The following RIT2 variants were observed in gnomAD, a reference collection of about 807,000 sequenced individuals.
The protein encoded by RIT2 is Ras like without CAAX 2.
In RIT2, 24 loss-of-function variants were observed where a neutral mutation model predicts 23.7. The ratio of observed to expected loss-of-function variants is 1.01; its 90% confidence interval spans 0.73 to 1.43. The LOEUF (loss-of-function observed/expected upper bound fraction) is 1.43. RIT2 is among the 40% of genes most tolerant of loss of function. RIT2 has a pLI of 0.00. For synonymous variants in RIT2, 107 were observed against 91.1 expected (o/e 1.17, Z -0.99); for missense variants, 236 against 266.9 (o/e 0.88, Z 0.81).
At chr18:42,763,487 T>C (rs1428218985) in intron 4 of RIT2, among the ~76,000 whole-genome samples, 3 of 149,932 alleles carry the variant, frequency 2.0e-5, no homozygotes, top group African/African-American at 4.9e-5. Flanking sequence ...GGTACACCTG[T>C]ATGGGACACT....
intron 4 of RIT2, among the ~76,000 whole-genome samples, chr18:42,912,140 A>C (rs1255758573): frequency 6.6e-6 from 1 of 151,794 alleles, no homozygotes; most frequent in Non-Finnish European, 1.5e-5. Flanking sequence ...AATATTCAAA[A>C]TGTATTAATG....
rs560999420 is a variant in RIT2, at chr18:42,903,615, C to A, written c.426+19957G>T. On this transcript the variant is annotated intron_variant, in intron 4 of 4. Coordinates refer to ENST00000326695, the MANE Select transcript of RIT2 (RefSeq NM_002930.4). ...TTGCCGCTAGAATAGAAAATCTTCA[C>A]TTCAATCCATGACTGCTACCACTAC... is the stretch of plus-strand genomic sequence containing the variant. 2.2e-3 allele frequency among the ~76,000 whole-genome samples: 335 copies of A among 152,064 alleles called. 3 individuals are homozygous for A. The highest frequency in any genetic ancestry group is 3.1e-3 in the Non-Finnish European group (210 of 67,958).
At chr18:42,890,396 CTA>C (rs1340321803) in intron 4 of RIT2, among the ~76,000 whole-genome samples, 1 of 151,236 alleles carries the variant, frequency 6.6e-6, no homozygotes, top group East Asian at 2.0e-4. Flanking sequence ...ATTTTTAATA[CTA>C]TCTACTACAC....
chr18:42,795,755 G>A (rs917995699), intron 4 of RIT2, among the ~76,000 whole-genome samples: 1 of 152,302 alleles, frequency 6.6e-6, no homozygotes, highest in East Asian at 1.9e-4. Context: ...TACACCAATC[G>A]GCACTCTGTA....
chr18:42,813,009 T>C (rs940063134), intron 4 of RIT2, among the ~76,000 whole-genome samples: 17 of 152,222 alleles, frequency 1.1e-4, no homozygotes, highest in Non-Finnish European at 2.2e-4. Flanking sequence ...CAATGAATAT[T>C]AGATCCTAAA....
chr18:43,028,800 T>C (rs943636293), intron 2 of RIT2, among the ~76,000 whole-genome samples: 3 of 151,954 alleles, frequency 2.0e-5, no homozygotes, highest in East Asian at 1.9e-4. Flanking sequence ...GGGCATTAAC[T>C]CTCCCCCGAG....
At chr18:43,038,689 C>T (rs536732370) in intron 1 of RIT2, among the ~76,000 whole-genome samples, 5 of 152,146 alleles carry the variant, frequency 3.3e-5, no homozygotes, top group African/African-American at 9.6e-5. Context: ...ATGTTTAATT[C>T]AGTTAAGCTT....
intron 3 of RIT2, among the ~76,000 whole-genome samples, chr18:42,930,891 T>C (rs1909308657): frequency 6.6e-6 from 1 of 152,154 alleles, no homozygotes; most frequent in African/African-American, 2.4e-5. Flanking sequence ...TCCCTTCTTT[T>C]TGAGAGCTGG....
chr18:42,821,609 C>A (rs756710999), intron 4 of RIT2, among the ~76,000 whole-genome samples: 1 of 151,998 alleles, frequency 6.6e-6, no homozygotes, highest in Non-Finnish European at 1.5e-5. Context: ...GTAGACATCC[C>A]GCAATGCACA....
At chr18:43,071,527 A>T (rs1468475628) in intron 1 of RIT2, among the ~76,000 whole-genome samples, 1 of 152,184 alleles carries the variant, frequency 6.6e-6, no homozygotes, top group African/African-American at 2.4e-5. Context: ...CTGGAGTACC[A>T]TTAGCAGTAT....
At chr18:42,891,515 T>A (rs187594037) in intron 4 of RIT2, among the ~76,000 whole-genome samples, 13 of 152,220 alleles carry the variant, frequency 8.5e-5, no homozygotes, top group Non-Finnish European at 1.6e-4. Context: ...AGTAGGTAAA[T>A]GCATAAACAA....
intron 3 of RIT2, among the ~76,000 whole-genome samples, chr18:42,949,698 A>G (rs1001331538): frequency 2.6e-5 from 4 of 152,106 alleles, no homozygotes; most frequent in Admixed American, 6.6e-5. Context: ...AACTTTCACA[A>G]AGAATATTCA....
intron 1 of RIT2, among the ~76,000 whole-genome samples, chr18:43,037,875 T>C (rs1214912800): frequency 1.3e-5 from 2 of 152,156 alleles, no homozygotes; most frequent in African/African-American, 4.8e-5. Context: ...CTTTTTTCTT[T>C]ATAGTCCGCT....
intron 4 of RIT2, among the ~76,000 whole-genome samples, chr18:42,843,315 AG>A (rs1183624533): frequency 6.6e-6 from 1 of 152,194 alleles, no homozygotes; most frequent in Non-Finnish European, 1.5e-5. Context: ...CTGCTATGTC[AG>A]CCGTTGAAAA....
chr18:42,983,447 G>T (rs1910641547), intron 2 of RIT2, among the ~76,000 whole-genome samples: 1 of 151,706 alleles, frequency 6.6e-6, no homozygotes, highest in Admixed American at 6.6e-5. Context: ...CAAAGTCTTA[G>T]AATTAAATTT....
intron 2 of RIT2, among the ~76,000 whole-genome samples, chr18:42,995,645 A>C (rs187095799): frequency 6.6e-6 from 1 of 152,166 alleles, no homozygotes; most frequent in Admixed American, 6.5e-5. Context: ...TTAAAAACAC[A>C]CCTCACCAAG....
chr18:43,052,948 T>C (rs1912418149), intron 1 of RIT2, among the ~76,000 whole-genome samples: 2 of 152,166 alleles, frequency 1.3e-5, no homozygotes, highest in African/African-American at 2.4e-5. Flanking sequence ...CACTTTTTGA[T>C]AGATACTATT....
intron 4 of RIT2, among the ~76,000 whole-genome samples, chr18:42,851,215 A>T (rs543887932): frequency 6.6e-6 from 1 of 152,288 alleles, no homozygotes; most frequent in Non-Finnish European, 1.5e-5. Context: ...TCTCTTTTCT[A>T]TCTCTGCAGA....
At chr18:42,890,365 A>G (rs1908137816) in intron 4 of RIT2, among the ~76,000 whole-genome samples, 1 of 152,114 alleles carries the variant, frequency 6.6e-6, no homozygotes, top group African/African-American at 2.4e-5. Flanking sequence ...ATTTTAAAGT[A>G]GTTTTTATCT....
Sources: gnomAD v4.1 joint callset for allele counts (sites outside exome capture counted in the v4.1 genomes callset) on GRCh38, gnomAD v4.1.1 for gene constraint, MANE v1.5 for transcripts, NCBI Gene and HGNC (gene_info 2026-07-23, HGNC 2026-07-21) for gene names.